Variants in PDE4B observed in about 807,000 individuals in gnomAD.
The protein encoded by PDE4B is phosphodiesterase 4B, also known as 3',5'-cyclic-AMP phosphodiesterase 4B.
PDE4B carries 20 observed loss-of-function variants against 82.2 expected under a neutral mutation model. That is an observed-to-expected ratio of 0.24 (90% CI 0.17 to 0.35). The LOEUF (loss-of-function observed/expected upper bound fraction) is 0.35, where lower values mean the gene tolerates loss of function less well. PDE4B is among the 10% of genes least tolerant of loss of function. The pLI, the probability that PDE4B is intolerant of heterozygous loss-of-function variation, is 1.00. For missense variants in PDE4B, 655 were observed against 907.2 expected, an observed-to-expected ratio of 0.72 and a Z score of 3.57; for synonymous variants, 320 against 318.9, an observed-to-expected ratio of 1.00 and a Z score of -0.04.
intron 3 of PDE4B, among the ~76,000 whole-genome samples, chr1:66,107,511 CA>C (rs1203767779): frequency 2.6e-5 from 3 of 115,858 alleles, no homozygotes; most frequent in Non-Finnish European, 6.1e-5. Flanking sequence ...AACAGCAAAA[CA>C]AAACAAACAA....
chr1:66,361,217 CTTTATTTAAAAAT>C (rs1662738141), intron 9 of PDE4B, among the ~76,000 whole-genome samples: 1 of 151,946 alleles, frequency 6.6e-6, no homozygotes, highest in African/African-American at 2.4e-5. Context: ...ATGTTAATCC[CTTTATTTAAAAAT>C]CTACATATAA....
intron 3 of PDE4B, among the ~76,000 whole-genome samples, chr1:66,064,506 A>G (rs757144605): frequency 6.6e-6 from 1 of 151,988 alleles, no homozygotes; most frequent in Non-Finnish European, 1.5e-5. Context: ...ATAAGTAGCT[A>G]TGGTCTGTCT....
intron 1 of PDE4B, among the ~76,000 whole-genome samples, chr1:65,823,212 A>C (rs1016426377): frequency 6.6e-6 from 1 of 151,890 alleles, no homozygotes; most frequent in Non-Finnish European, 1.5e-5. Flanking sequence ...CCTGGCCAAC[A>C]TGGTGAAACC....
At chr1:66,310,510 T>C (rs573047454) in intron 7 of PDE4B, among the ~76,000 whole-genome samples, 1 of 152,324 alleles carries the variant, frequency 6.6e-6, no homozygotes, top group South Asian at 2.1e-4. Flanking sequence ...AAAAAGTATC[T>C]TTAAGTGGAA....
intron 3 of PDE4B, among the ~76,000 whole-genome samples, chr1:65,949,106 A>G (rs1028273372): frequency 3.9e-5 from 6 of 152,010 alleles, no homozygotes; most frequent in Admixed American, 3.3e-4. Context: ...TATTGGGTAC[A>G]TGCTGCCACC....
chr1:66,370,324 T>C (rs1228549958), intron 16 of PDE4B, among the ~76,000 whole-genome samples: 1 of 152,198 alleles, frequency 6.6e-6, no homozygotes, highest in Non-Finnish European at 1.5e-5. Flanking sequence ...CTTTTATTAA[T>C]AGCAGTGATG....
Position 66,361,786 on chromosome 1 carries a change from T to A in PDE4B, c.1013T>A (p.Leu338Gln). The change falls in exon 10 of 17, where the codon CTG becomes CAG. Residue 338 changes from leucine to glutamine, a missense_variant. By Grantham distance (113) the Leu-to-Gln change is moderately radical (BLOSUM62 -2). Coordinates refer to ENST00000341517, the MANE Select transcript of PDE4B (RefSeq NM_002600.4). ...GTCAACACTGAAAATGAAGATCACC[T>A]GGCCAAGGTGTGTATAAGCTCAGGT... ...FGVNTENEDH[L>Q]AKELEDLNKW... 1 of 1,611,222 alleles carries A rather than the reference T, an allele frequency of 6.2e-7. No homozygotes were observed. Among genetic ancestry groups the A allele is most frequent in the Non-Finnish European group, 8.5e-7 (1 of 1,178,204 alleles).
chr1:66,344,803 G>A (rs946444140), intron 8 of PDE4B, among the ~76,000 whole-genome samples: 1 of 152,134 alleles, frequency 6.6e-6, no homozygotes, highest in South Asian at 2.1e-4. Flanking sequence ...CATGATCCAG[G>A]ACTTCATTTC....
chr1:66,142,215 G>T (rs1646186993), intron 3 of PDE4B, among the ~76,000 whole-genome samples: 1 of 152,096 alleles, frequency 6.6e-6, no homozygotes, highest in Non-Finnish European at 1.5e-5. Context: ...TGTCTCAGGG[G>T]TGGCAGAGGC....
Position 66,164,750 on chromosome 1 carries a change from CTTTTCTT to C in PDE4B, c.282-82705_282-82699del, listed in dbSNP as rs1646691871. ...CTTAATTTCTTTTTCTTTTTCTTTT[CTTTTCTT>C]TTTTTTTTTTTTTTTTTGAGACAGA... On this transcript the variant is annotated intron_variant, in intron 3 of 16. Transcript: ENST00000341517. 4.9e-5 allele frequency among the ~76,000 whole-genome samples: 6 copies of C among 122,966 alleles called. No homozygotes were observed. The Admixed American group carries it at 5.5e-4, about 11-fold the overall frequency. 80.7% of individuals were successfully genotyped at this position (122,966 alleles called of 152,430 possible).
chr1:66,081,690 A>G (rs1180188983), intron 3 of PDE4B, among the ~76,000 whole-genome samples: 3 of 152,116 alleles, frequency 2.0e-5, no homozygotes, highest in Admixed American at 1.3e-4. Flanking sequence ...AGCCTATAGT[A>G]GTAGTACTGG....
At chr1:66,059,600 T>C (rs567953850) in intron 3 of PDE4B, among the ~76,000 whole-genome samples, 1 of 152,254 alleles carries the variant, frequency 6.6e-6, no homozygotes, top group East Asian at 1.9e-4. Flanking sequence ...GCAGAGAGCT[T>C]GTGCAGGGAA....
At chr1:66,123,161 C>T (rs1645747792) in intron 3 of PDE4B, among the ~76,000 whole-genome samples, 1 of 152,100 alleles carries the variant, frequency 6.6e-6, no homozygotes, top group Admixed American at 6.6e-5. Context: ...AATAGGTAGG[C>T]CCATGAAATT....
intron 3 of PDE4B, among the ~76,000 whole-genome samples, chr1:66,223,064 C>T (rs1478505460): frequency 6.6e-6 from 1 of 152,112 alleles, no homozygotes; most frequent in Non-Finnish European, 1.5e-5. Flanking sequence ...TGAGTGTTCA[C>T]ACAATGTGTG....
intron 7 of PDE4B, among the ~76,000 whole-genome samples, chr1:66,329,274 G>A (rs1659945339): frequency 6.6e-6 from 1 of 152,154 alleles, no homozygotes; most frequent in African/African-American, 2.4e-5. Context: ...TAACAATGGG[G>A]AAATTAGGAT....
chr1:65,802,588 T>C (rs1330491846), intron 1 of PDE4B, among the ~76,000 whole-genome samples: 1 of 152,220 alleles, frequency 6.6e-6, no homozygotes, highest in Non-Finnish European at 1.5e-5. Context: ...GTCAGGATTC[T>C]GTTATATAAT....
intron 3 of PDE4B, chr1:66,048,943 A>G (rs1480437660): frequency 2.0e-5 from 3 of 151,944 alleles, no homozygotes; most frequent in Admixed American, 6.6e-5. Context: ...GATGGGAAGA[A>G]ATGCTTAATG....
chr1:66,087,061 G>C (rs563471739), intron 3 of PDE4B, among the ~76,000 whole-genome samples: 17 of 152,132 alleles, frequency 1.1e-4, no homozygotes, highest in Non-Finnish European at 2.5e-4. Context: ...TAGTGGATAA[G>C]TCTGTACCTG....
chr1:65,969,106 A>T (rs1406798780), intron 3 of PDE4B, among the ~76,000 whole-genome samples: 2 of 152,286 alleles, frequency 1.3e-5, no homozygotes, highest in South Asian at 2.1e-4. Flanking sequence ...CTATGATGCT[A>T]TAACAAACAA....
Sources: allele counts gnomAD v4.1 joint callset (sites outside exome capture counted in the v4.1 genomes callset), GRCh38; gene constraint gnomAD v4.1.1; transcripts MANE v1.5; gene names NCBI Gene and HGNC (gene_info 2026-07-23, HGNC 2026-07-21).